MARK1: variants seen among roughly 807,000 people sequenced by gnomAD.
MARK1 encodes serine/threonine-protein kinase MARK1.
In MARK1, 40 loss-of-function variants were observed where a neutral mutation model predicts 96.3. That is an observed-to-expected ratio of 0.42 (90% CI 0.32 to 0.54). MARK1 has a LOEUF of 0.54. Among genes scored for constraint, MARK1 ranks in the 20% least tolerant of loss-of-function variants. The pLI is 0.16. For missense variants in MARK1, 719 were observed against 984.6 expected (o/e 0.73, Z 3.61); for synonymous variants, 317 against 341.2 (o/e 0.93, Z 0.78).
chr1:220,606,052 A>T (rs1666053442), intron 6 of MARK1, among the ~76,000 whole-genome samples: 1 of 152,166 alleles, frequency 6.6e-6, no homozygotes, highest in African/African-American at 2.4e-5. Context: ...GCTGGGTCAA[A>T]TGGTAGTTCT....
At chr1:220,658,373 G>A (rs1558330249) in intron 17 of MARK1, among the ~76,000 whole-genome samples, 1 of 152,140 alleles carries the variant, frequency 6.6e-6, no homozygotes, top group Non-Finnish European at 1.5e-5. Context: ...CAGAATTACA[G>A]GGAAGGCTTG....
intron 1 of MARK1, among the ~76,000 whole-genome samples, chr1:220,556,485 C>CAGAAAAA (rs1326514729): frequency 1.2e-5 from 1 of 85,822 alleles, no homozygotes; most frequent in African/African-American, 4.6e-5. Flanking sequence ...GGGACTGTCA[C>CAGAAAAA]AAAAAAAAAA....
chr1:220,573,318 G>GTTTA (rs560982654), intron 1 of MARK1, among the ~76,000 whole-genome samples: 2 of 151,804 alleles, frequency 1.3e-5, no homozygotes, highest in Admixed American at 6.6e-5. Flanking sequence ...TAGAGGCTTT[G>GTTTA]TTTATTTATT....
chr1:220,638,947 A>G (rs1658239012), intron 13 of MARK1, among the ~76,000 whole-genome samples: 1 of 152,178 alleles, frequency 6.6e-6, no homozygotes, highest in South Asian at 2.1e-4. Context: ...GTTTTCCTTC[A>G]TTAAAGAAAA....
chr1:220,533,761 A>G (rs1463864549), intron 1 of MARK1, among the ~76,000 whole-genome samples: 4 of 152,124 alleles, frequency 2.6e-5, no homozygotes, highest in African/African-American at 7.2e-5. Flanking sequence ...CTCATCAGTT[A>G]TGGGAATGTA....
rs555446650 is a variant in MARK1, at chr1:220,607,383, T to G, written c.495+3246T>G. Reference sequence around the variant, plus strand: ...TTTGCACATTCATTTTGTATCCTGATACTTTGCTGAAGTTGCTTATCAGCT... The same window carrying G: ...TTTGCACATTCATTTTGTATCCTGAGACTTTGCTGAAGTTGCTTATCAGCT... On this transcript the variant is annotated intron_variant, in intron 6 of 17. Coordinates refer to ENST00000366917, the MANE Select transcript of MARK1 (RefSeq NM_018650.5). Among the ~76,000 whole-genome samples, 60 of 152,258 alleles carry G rather than the reference T, an allele frequency of 3.9e-4. 1 individual carries two copies. Among genetic ancestry groups the G allele is most frequent in the African/African-American group, 1.3e-3 (53 of 41,564 alleles).
rs547244624 is a variant in MARK1 at position 220,605,574 on chromosome 1, G to A, written c.495+1437G>A. ...GTACATGTGCACAACATGCAGGTTT[G>A]ATACATAGGTATACATGTGCCATAT... On this transcript the variant is annotated intron_variant, in intron 6 of 17. Transcript: ENST00000366917. Among the ~76,000 whole-genome samples, 27 of 151,478 alleles carry A rather than the reference G, an allele frequency of 1.8e-4. 2 individuals are homozygous for A. The South Asian group carries it at 5.7e-3, about 32-fold the overall frequency.
chr1:220,544,658 G>A (rs11118570), intron 1 of MARK1, among the ~76,000 whole-genome samples: 88,974 of 152,000 alleles, frequency 0.59, 27,426 homozygotes, highest in Non-Finnish European at 0.68. Context: ...TTAGTTTTAG[G>A]CTGAATCTTT....
At chr1:220,637,719 A>G (rs1303083466) in intron 13 of MARK1, among the ~76,000 whole-genome samples, 1 of 152,000 alleles carries the variant, frequency 6.6e-6, no homozygotes, top group Non-Finnish European at 1.5e-5. Flanking sequence ...AATCATTAGC[A>G]GTAAGCAGCA....
chr1:220,589,306 T>C (rs970288967), intron 3 of MARK1, among the ~76,000 whole-genome samples: 3 of 152,048 alleles, frequency 2.0e-5, no homozygotes, highest in African/African-American at 7.2e-5. Flanking sequence ...GTTCTAAAAA[T>C]GACAGACTTT....
In MARK1 at chr1:220,529,746, T is replaced by A. The variant is rs76216500; in HGVS notation, c.51+873T>A. Reference sequence around the variant, plus strand: ...CTCTTGAAAAACGAAAAGAACAAGATCCCTTGTATTTCCACCTTCTGAAAA... The same window carrying A: ...CTCTTGAAAAACGAAAAGAACAAGAACCCTTGTATTTCCACCTTCTGAAAA... On this transcript the variant is annotated intron_variant, in intron 1 of 17. Coordinates refer to ENST00000366917, the MANE Select transcript of MARK1 (RefSeq NM_018650.5). Among the ~76,000 whole-genome samples, 1,375 of 152,250 alleles carry A rather than the reference T, an allele frequency of 9.0e-3. 32 individuals are homozygous for A. The highest frequency in any genetic ancestry group is 0.03 in the African/African-American group (1,226 of 41,542).
intron 16 of MARK1, among the ~76,000 whole-genome samples, chr1:220,655,129 C>G (rs1169878789): frequency 6.6e-6 from 1 of 152,226 alleles, no homozygotes; most frequent in African/African-American, 2.4e-5. Context: ...TCTCCTACCT[C>G]ACAGACTAGC....
chr1:220,606,271 C>T (rs1394704488), intron 6 of MARK1, among the ~76,000 whole-genome samples: 1 of 152,152 alleles, frequency 6.6e-6, no homozygotes, highest in Non-Finnish European at 1.5e-5. Context: ...TCTCTGATTA[C>T]CAGTGATGTT....
At chr1:220,536,889 C>G (rs1414923276) in intron 1 of MARK1, among the ~76,000 whole-genome samples, 4 of 152,124 alleles carry the variant, frequency 2.6e-5, no homozygotes, top group Non-Finnish European at 5.9e-5. Context: ...CCCCAGTCCT[C>G]TCTTGTTAGA....
intron 5 of MARK1, among the ~76,000 whole-genome samples, chr1:220,600,179 T>C (rs1665647193): frequency 6.6e-6 from 1 of 152,188 alleles, no homozygotes; most frequent in Admixed American, 6.5e-5. Context: ...TTAGAAACTC[T>C]TGGCTATCAG....
intron 1 of MARK1, among the ~76,000 whole-genome samples, chr1:220,559,410 A>G (rs1292212696): frequency 6.6e-6 from 1 of 152,226 alleles, no homozygotes; most frequent in Admixed American, 6.5e-5. Context: ...AGTGGGTTGA[A>G]GTAAACACAG....
At chr1:220,546,166 A>C (rs1661477012) in intron 1 of MARK1, among the ~76,000 whole-genome samples, 1 of 152,192 alleles carries the variant, frequency 6.6e-6, no homozygotes, top group Non-Finnish European at 1.5e-5. Flanking sequence ...TGCAATATTC[A>C]GAGTTGAGCC....
intron 1 of MARK1, among the ~76,000 whole-genome samples, chr1:220,558,040 G>C (rs1662402477): frequency 6.6e-6 from 1 of 151,762 alleles, no homozygotes; most frequent in South Asian, 2.1e-4. Flanking sequence ...TGAGGTGGTA[G>C]GATCACCTGA....
intron 9 of MARK1, chr1:220,627,250 G>T: frequency 2.0e-6 from 1 of 490,480 alleles, no homozygotes; most frequent in South Asian, 1.6e-5. Context: ...AATTGCCTGT[G>T]AGGAAGAGTT....
Sources: gnomAD v4.1 joint callset for allele counts (sites outside exome capture counted in the v4.1 genomes callset) on GRCh38, gnomAD v4.1.1 for gene constraint, MANE v1.5 for transcripts, NCBI Gene and HGNC (gene_info 2026-07-23, HGNC 2026-07-21) for gene names.